ZNF354B: variants seen among roughly 807,000 people sequenced by gnomAD.
ZNF354B encodes the protein zinc finger protein 354B.
Under a neutral mutation model 12.9 loss-of-function variants are expected in ZNF354B, and 10 were observed. That is an observed-to-expected ratio of 0.77 (90% CI 0.48 to 1.31). ZNF354B has a LOEUF of 1.31. ZNF354B is among the 40% of genes most tolerant of loss of function. The pLI, the probability that ZNF354B is intolerant of heterozygous loss-of-function variation, is 0.00. For missense variants in ZNF354B, 614 were observed against 711.7 expected (o/e 0.86, Z 1.56); for synonymous variants, 260 against 243.7 (o/e 1.07, Z -0.62).
chr5:178,882,581 T>C, intron 4 of ZNF354B, 128 bp from the exon 5 acceptor site: 1 of 911,046 alleles, frequency 1.1e-6, no homozygotes, highest in South Asian at 2.7e-5. Flanking sequence ...TATAGTGTTT[T>C]TTAGAATTTT....
intron 4 of ZNF354B, among the ~76,000 whole-genome samples, chr5:178,871,481 C>T (rs1757564118): frequency 6.6e-6 from 1 of 152,236 alleles, no homozygotes; most frequent in South Asian, 2.1e-4. Flanking sequence ...TTTATTTTCC[C>T]TCTCCATGCT....
In ZNF354B at chr5:178,880,138, CA is replaced by C. The variant is rs1390561172; in HGVS notation, c.257-2565del. Among the ~76,000 whole-genome samples, 4 of 151,858 alleles carry C rather than the reference CA, an allele frequency of 2.6e-5. No individual in the cohort carries two copies. The East Asian group carries it at 7.8e-4, about 29-fold the overall frequency. The stretch of plus-strand genomic sequence containing the variant: ...GAGACTCCGTCTCAAAATAAATAAA[CA>C]AAAAAGTAGAATAATATAATGACTT... On this transcript the variant is annotated intron_variant, in intron 4 of 4. Coordinates refer to ENST00000322434, the MANE Select transcript of ZNF354B (RefSeq NM_058230.3).
intron 4 of ZNF354B, among the ~76,000 whole-genome samples, chr5:178,879,812 A>C (rs888074759): frequency 1.3e-5 from 2 of 152,222 alleles, no homozygotes; most frequent in Admixed American, 6.5e-5. Context: ...TTTGTTATGG[A>C]AAAGTTCGAG....
rs750496909 is a variant in ZNF354B at position 178,884,034 on chromosome 5, G to A, written c.1582G>A (p.Gly528Arg). Residue 528 changes from glycine to arginine, a missense_variant, in exon 5 of 5, where the codon GGG becomes AGG. By Grantham distance (125) the Gly-to-Arg change is moderately radical. Coordinates refer to ENST00000322434, the MANE Select transcript of ZNF354B (RefSeq NM_058230.3). Reference protein sequence around the residue: ...GEKPYRCLECGMSFGQSAALI... With the variant: ...GEKPYRCLECRMSFGQSAALI... The stretch of plus-strand genomic sequence containing the variant: ...GAAACCATATCGATGTTTAGAATGT[G>A]GGATGTCTTTTGGCCAAAGTGCAGC... The A allele has an allele frequency of 5.0e-6, 8 of 1,613,962 alleles. No homozygotes were observed. Among genetic ancestry groups the A allele is most frequent in the African/African-American group, 1.3e-5 (1 of 74,906 alleles).
intron 4 of ZNF354B, among the ~76,000 whole-genome samples, chr5:178,878,266 T>C (rs1003754601): frequency 6.6e-6 from 1 of 151,770 alleles, no homozygotes; most frequent in Admixed American, 6.6e-5. Flanking sequence ...GCCTGTAGTC[T>C]CAGCTACTTG....
intron 4 of ZNF354B, among the ~76,000 whole-genome samples, chr5:178,870,810 T>G (rs1183458776): frequency 6.6e-6 from 1 of 152,126 alleles, no homozygotes; most frequent in Non-Finnish European, 1.5e-5. Flanking sequence ...CACAATGCCC[T>G]GTAGCCCTAT....
rs1000134128 is a variant in ZNF354B, at chr5:178,860,811, C to T, written c.-51-186C>T. ...GGGTCCAGCGTCCCCTCCGTAAGCC[C>T]CAAGCCTGTGGGGCCTGGGCCTGGC... On this transcript the variant is annotated intron_variant, in intron 1 of 4. Coordinates refer to ENST00000322434, the MANE Select transcript of ZNF354B (RefSeq NM_058230.3). The T allele has an allele frequency of 1.4e-4, 68 of 472,632 alleles. 4 individuals are homozygous for T. In the Middle Eastern group the frequency reaches 2.3e-3, roughly 16 times the overall value. The allele number at this position is 472,632 out of a possible 1,614,324, so 29.3% of individuals were successfully genotyped here.
rs144813419 is a variant in ZNF354B, at chr5:178,880,383, A to G, written c.257-2326A>G. Among the ~76,000 whole-genome samples the G allele has an allele frequency of 5.6e-3, 848 of 151,198 alleles. 10 individuals are homozygous for G. The highest frequency in any genetic ancestry group is 0.02 in the African/African-American group (811 of 41,228). On this transcript the variant is annotated intron_variant, in intron 4 of 4. Transcript: ENST00000322434. Reference sequence around the variant, plus strand: ...CCCAGCTAACTTTTGTATTTTTAGTAGAGATGGGGTTTCACTGTGTTGGCC... The same window carrying G: ...CCCAGCTAACTTTTGTATTTTTAGTGGAGATGGGGTTTCACTGTGTTGGCC...
Position 178,884,784 on chromosome 5 carries a change from C to CTT in ZNF354B, c.*493_*494insTT, listed in dbSNP as rs1757777644. 1 of 153,002 alleles carries CTT rather than the reference C, an allele frequency of 6.5e-6. No individual in the cohort carries two copies. Among genetic ancestry groups the CTT allele is most frequent in the Non-Finnish European group, 1.5e-5 (1 of 68,588 alleles). 9.5% of individuals were successfully genotyped at this position (153,002 alleles called of 1,614,324 possible). On this transcript the variant is annotated 3_prime_UTR_variant, in exon 5 of 5. Transcript: ENST00000322434. ...TTCCCAGGGCAAGGCTTATCCATTG[C>CTT]ACTCCAGATGTGCTGACCCCTTCAA... is the stretch of plus-strand genomic sequence containing the variant.
rs369897134 is a variant in ZNF354B, at chr5:178,883,052, T to C, written c.600T>C (p.Asn200=). ...IQRNSFKQNS[N]LLNQSKIKTA... ...GAAATAGTTTCAAGCAGAATTCAAA[T>C]TTACTTAACCAATCAAAAATCAAAA... The change falls in exon 5 of 5, where the codon AAT becomes AAC. Residue 200 remains asparagine, a synonymous_variant. Coordinates refer to ENST00000322434, the MANE Select transcript of ZNF354B (RefSeq NM_058230.3). 1.9e-6 allele frequency: 3 copies of C among 1,604,914 alleles called. No individual in the cohort carries two copies. Among genetic ancestry groups the C allele is most frequent in the African/African-American group, 2.7e-5 (2 of 74,264 alleles).
intron 2 of ZNF354B, among the ~76,000 whole-genome samples, chr5:178,864,483 C>T (rs776631686): frequency 1.3e-5 from 2 of 152,068 alleles, no homozygotes; most frequent in African/African-American, 2.4e-5. Flanking sequence ...GTACCTCCAT[C>T]GTTAATGCGA....
At chr5:178,864,389 G>A (rs570586204) in intron 2 of ZNF354B, among the ~76,000 whole-genome samples, 7 of 152,214 alleles carry the variant, frequency 4.6e-5, no homozygotes, top group African/African-American at 1.4e-4. Context: ...CATATAGCCC[G>A]GGTGTGTGGG....
In ZNF354B at chr5:178,883,152, A is replaced by G; in HGVS notation, c.700A>G (p.Lys234Glu). 3 of 1,613,604 alleles carry G rather than the reference A, an allele frequency of 1.9e-6. No individual in the cohort carries two copies. The highest frequency in any genetic ancestry group is 2.5e-6 in the Non-Finnish European group (3 of 1,179,880). ...CAATTCATCCCTTCGTAAACATCAG[A>G]AAAACCACACTGGAGAAAAATTATT... ...IHNSSLRKHQ[K>E]NHTGEKLFKC... Residue 234 changes from lysine (K) to glutamate (E), a missense_variant, in exon 5 of 5, where the codon AAA becomes GAA. Lys to Glu is a moderately conservative substitution (Grantham distance 56). Coordinates refer to ENST00000322434, the MANE Select transcript of ZNF354B (RefSeq NM_058230.3).
intron 4 of ZNF354B, among the ~76,000 whole-genome samples, chr5:178,870,314 T>C (rs77085831): frequency 0.15 from 22,586 of 152,204 alleles, 2,061 homozygotes; most frequent in African/African-American, 0.25. Context: ...CTTGCTCTGT[T>C]GCCCAGGCTG....
chr5:178,882,828 A>T lies in ZNF354B; in HGVS notation c.376A>T (p.Ile126Leu). Reference protein sequence around the residue: ...PWNFISERSCIYEEKLKKQQD... With the variant: ...PWNFISERSCLYEEKLKKQQD... ...GAACTTCATATCAGAAAGATCCTGC[A>T]TATATGAAGAGAAATTAAAGAAACA... The change falls in exon 5 of 5, where the codon ATA becomes TTA. Residue 126 changes from isoleucine (I) to leucine (L), a missense_variant. By Grantham distance (5) the Ile-to-Leu change is conservative (BLOSUM62 2). Transcript: ENST00000322434. 1.2e-6 allele frequency: 2 copies of T among 1,606,790 alleles called. No homozygotes were observed. The highest frequency in any genetic ancestry group is 1.7e-6 in the Non-Finnish European group (2 of 1,178,424).
At chr5:178,875,937 G>A (rs1468214001) in intron 4 of ZNF354B, among the ~76,000 whole-genome samples, 1 of 152,120 alleles carries the variant, frequency 6.6e-6, no homozygotes, top group East Asian at 1.9e-4. Flanking sequence ...GGGGAGGGAC[G>A]GCTGTTCTGC....
rs569943198 is a variant in ZNF354B at position 178,871,269 on chromosome 5, C to T, written c.256+4198C>T. ...TTCAAGGCCTCTGATCACCCTTGGC[C>T]GCCCTGCTGTTTGTCAGGGGGGCCA... is the stretch of plus-strand genomic sequence containing the variant. On this transcript the variant is annotated intron_variant, in intron 4 of 4. Transcript: ENST00000322434. Among the ~76,000 whole-genome samples, 10 of 152,242 alleles carry T rather than the reference C, an allele frequency of 6.6e-5. No individual in the cohort carries two copies. In the East Asian group the frequency reaches 1.6e-3, roughly 24 times the overall value.
intron 4 of ZNF354B, among the ~76,000 whole-genome samples, chr5:178,868,722 G>A (rs113010158): frequency 0.15 from 22,593 of 152,050 alleles, 2,060 homozygotes; most frequent in African/African-American, 0.25. Flanking sequence ...CCTGTAATCC[G>A]AGCACTTTGG....
chr5:178,873,582 C>CAT, intron 4 of ZNF354B, among the ~76,000 whole-genome samples: 1 of 143,518 alleles, frequency 7.0e-6, no homozygotes, highest in African/African-American at 2.7e-5. Flanking sequence ...GTCACTTGGG[C>CAT]GTGTTGGGTT....
Sources: allele counts gnomAD v4.1 joint callset (sites outside exome capture counted in the v4.1 genomes callset), GRCh38; gene constraint gnomAD v4.1.1; transcripts MANE v1.5; gene names NCBI Gene and HGNC (gene_info 2026-07-23, HGNC 2026-07-21).